The following ODAD2 variants were observed in gnomAD, a reference collection of about 807,000 sequenced individuals.
ODAD2 encodes the protein outer dynein arm docking complex subunit 2, also known as outer dynein arm-docking complex subunit 2.
ODAD2 carries 89 observed loss-of-function variants against 106.8 expected under a neutral mutation model. The observed-to-expected ratio is 0.83, with a 90% CI of 0.70 to 0.99. The LOEUF is 0.99. Among genes scored for constraint, ODAD2 ranks in the 50% least tolerant of loss-of-function variants. The pLI, the probability that ODAD2 is intolerant of heterozygous loss-of-function variation, is 0.00. For synonymous variants in ODAD2, 404 were observed against 436.2 expected (o/e 0.93, Z 0.92); for missense variants, 1,168 against 1,238.5 (o/e 0.94, Z 0.85).
chr10:27,906,108 T>A (rs1843567855), intron 17 of ODAD2, among the ~76,000 whole-genome samples: 1 of 152,112 alleles, frequency 6.6e-6, no homozygotes, highest in Non-Finnish European at 1.5e-5. Flanking sequence ...ATTTTTGCAA[T>A]CTATCAATCT....
chr10:27,967,251 G>C (rs959841870), intron 9 of ODAD2, among the ~76,000 whole-genome samples: 4 of 151,550 alleles, frequency 2.6e-5, no homozygotes, highest in Non-Finnish European at 5.9e-5. Context: ...GTAAGAAAGC[G>C]CTGCAACCCA....
intron 17 of ODAD2, among the ~76,000 whole-genome samples, chr10:27,863,241 C>A (rs1406551140): frequency 9.9e-5 from 15 of 152,158 alleles, no homozygotes; most frequent in Non-Finnish European, 2.2e-4. Context: ...CTTGCCCTTA[C>A]AAACCATAGG....
chr10:27,924,616 A>AC (rs1845115871), intron 16 of ODAD2, among the ~76,000 whole-genome samples: 1 of 109,716 alleles, frequency 9.1e-6, no homozygotes, highest in Non-Finnish European at 2.0e-5. Flanking sequence ...ATTAGGAGGA[A>AC]AAAAAAAAAA....
chr10:27,932,142 C>T (rs1282580260), intron 16 of ODAD2, among the ~76,000 whole-genome samples: 1 of 152,046 alleles, frequency 6.6e-6, no homozygotes, highest in Non-Finnish European at 1.5e-5. Context: ...TGCTATGTTG[C>T]TCAGGCTAGT....
intron 19 of ODAD2, among the ~76,000 whole-genome samples, chr10:27,855,470 A>T (rs1460801400): frequency 6.6e-6 from 1 of 152,178 alleles, no homozygotes; most frequent in African/African-American, 2.4e-5. Context: ...CACTCCAAGG[A>T]ATGTCTGGAA....
intron 2 of ODAD2, among the ~76,000 whole-genome samples, chr10:27,993,633 G>A (rs1448841376): frequency 6.6e-6 from 1 of 152,076 alleles, no homozygotes; most frequent in Non-Finnish European, 1.5e-5. Context: ...CTGGGCAAAA[G>A]AGCGAGACTC....
intron 12 of ODAD2, among the ~76,000 whole-genome samples, chr10:27,941,989 C>A (rs959463699): frequency 2.6e-5 from 4 of 152,136 alleles, no homozygotes; most frequent in Admixed American, 1.3e-4. Context: ...TTAGTTATGG[C>A]CCCAGGAAAG....
At chr10:27,944,562 A>C in intron 11 of ODAD2, 131 bp from the exon 12 acceptor site, 1 of 868,108 alleles carries the variant, frequency 1.2e-6, no homozygotes. Flanking sequence ...GAGGTTACAC[A>C]CATCTGGCAT....
chr10:27,987,391 ACACATG>A lies in ODAD2; in HGVS notation c.371_376del (p.Ala124_Cys125del). ...GACTGGAGCATTAAGATCACCTTCAACACATGCTTGGGCTTCCTTCAACTTCCCAGT... is the reference window on the plus strand; with the variant it reads ...GACTGGAGCATTAAGATCACCTTCAACTTGGGCTTCCTTCAACTTCCCAGT... On this transcript the variant is annotated inframe_deletion, in exon 3 of 20. Coordinates refer to ENST00000305242, the MANE Select transcript of ODAD2 (RefSeq NM_018076.5). The A allele has an allele frequency of 6.2e-7, 1 of 1,613,022 alleles. No individual in the cohort carries two copies. The highest frequency in any genetic ancestry group is 1.1e-5 in the South Asian group (1 of 90,732).
At chr10:27,903,136 T>G (rs1468815922) in intron 17 of ODAD2, among the ~76,000 whole-genome samples, 1 of 152,240 alleles carries the variant, frequency 6.6e-6, no homozygotes, top group Non-Finnish European at 1.5e-5. Flanking sequence ...GATGCAAGGC[T>G]GGTTCAACAT....
rs112312796 is a variant in ODAD2, at chr10:27,872,785, G to A, written c.2611-10163C>T. ...GTATTTTATTGAAGATTTTTGCAAC[G>A]ATGTTCATCAGGGATATTGGTCTAA... On this transcript the variant is annotated intron_variant, in intron 17 of 19. Coordinates refer to ENST00000305242, the MANE Select transcript of ODAD2 (RefSeq NM_018076.5). Among the ~76,000 whole-genome samples, 209 of 152,240 alleles carry A rather than the reference G, an allele frequency of 1.4e-3. 1 individual carries two copies. The highest frequency in any genetic ancestry group is 4.9e-3 in the African/African-American group (202 of 41,554).
At chr10:27,911,335 C>T (rs1370911363) in intron 16 of ODAD2, among the ~76,000 whole-genome samples, 1 of 152,108 alleles carries the variant, frequency 6.6e-6, no homozygotes, top group East Asian at 1.9e-4. Flanking sequence ...CTGCTCTGCA[C>T]GTGTCCAGGA....
chr10:27,832,744 G>T (rs1331148016), intron 19 of ODAD2, among the ~76,000 whole-genome samples: 1 of 152,078 alleles, frequency 6.6e-6, no homozygotes, highest in Non-Finnish European at 1.5e-5. Context: ...ACTTAATGTT[G>T]CATTTCAGCA....
At chr10:27,885,073 T>G (rs901431522) in intron 17 of ODAD2, among the ~76,000 whole-genome samples, 3 of 150,534 alleles carry the variant, frequency 2.0e-5, no homozygotes, top group African/African-American at 7.3e-5. Context: ...CTCCCAAAAC[T>G]GAAAAAAGAA....
At chr10:27,987,242 G>T in intron 3 of ODAD2, 144 bp downstream of exon 3, 1 of 646,840 alleles carries the variant, frequency 1.5e-6, no homozygotes, top group Non-Finnish European at 2.5e-6. Context: ...ACATTTTCAT[G>T]AAGTTGTACA....
rs1335589286 is a variant in ODAD2 at position 27,835,786 on chromosome 10, A to ATG, written c.3022-23163_3022-23162dup. Among the ~76,000 whole-genome samples the ATG allele has an allele frequency of 4.6e-5, 7 of 152,094 alleles. No homozygotes were observed. The East Asian group carries it at 1.3e-3, about 29-fold the overall frequency. On this transcript the variant is annotated intron_variant, in intron 19 of 19. Transcript: ENST00000305242. Reference sequence around the variant, plus strand: ...CTAAAAATACAAAAATTAGCTGGGCATGGTGGCAGGCACTGGTAACCCCAG... The same window carrying ATG: ...CTAAAAATACAAAAATTAGCTGGGCATGTGGTGGCAGGCACTGGTAACCCCAG...
At chr10:27,936,424 GGTCCCCACAGAA>G (rs1845975711) in intron 15 of ODAD2, among the ~76,000 whole-genome samples, 1 of 152,126 alleles carries the variant, frequency 6.6e-6, no homozygotes, top group Non-Finnish European at 1.5e-5. Context: ...CACCTTGATA[GGTCCCCACAGAA>G]AATATCAAAG....
intron 19 of ODAD2, among the ~76,000 whole-genome samples, chr10:27,845,514 T>G (rs993497534): frequency 1.3e-5 from 2 of 152,170 alleles, no homozygotes; most frequent in Non-Finnish European, 2.9e-5. Flanking sequence ...CTGCATCAAC[T>G]AACAAGCAAA....
intron 10 of ODAD2, among the ~76,000 whole-genome samples, chr10:27,954,499 A>G (rs112723606): frequency 1.2e-3 from 3 of 2,416 alleles, no homozygotes; most frequent in Non-Finnish European, 4.2e-3. Context: ...ACACGAGTGA[A>G]TGAATGAATG....
Sources: gnomAD v4.1 joint callset for allele counts (sites outside exome capture counted in the v4.1 genomes callset) on GRCh38, gnomAD v4.1.1 for gene constraint, MANE v1.5 for transcripts, NCBI Gene and HGNC (gene_info 2026-07-23, HGNC 2026-07-21) for gene names.